Variants in MED26 observed in about 807,000 individuals in gnomAD.
MED26 encodes mediator of RNA polymerase II transcription subunit 26.
A neutral mutation model predicts 43.7 loss-of-function variants in MED26; 7 were observed. The ratio of observed to expected loss-of-function variants is 0.16; its 90% CI spans 0.09 to 0.30. The LOEUF is 0.30. MED26 is among the 10% of genes least tolerant of loss of function. The probability of loss-of-function intolerance (pLI) is 1.00; values close to 1 mark genes in which losing one functional copy is unlikely to be tolerated. For missense variants in MED26, 784 were observed against 840.6 expected, an observed-to-expected ratio of 0.93 and a Z score of 0.83; for synonymous variants, 375 against 371.1, an observed-to-expected ratio of 1.01 and a Z score of -0.12.
intron 1 of MED26, chr19:16,612,094 G>C (rs1424386835): frequency 6.6e-6 from 1 of 152,204 alleles, no homozygotes; most frequent in African/African-American, 2.4e-5. Context: ...CAGGTTGTTG[G>C]GGGTGGGGTA....
intron 1 of MED26, among the ~76,000 whole-genome samples, chr19:16,614,961 T>C (rs2086216948): frequency 6.6e-6 from 1 of 152,198 alleles, no homozygotes; most frequent in Non-Finnish European, 1.5e-5. Flanking sequence ...ATGCTACTTC[T>C]GTAATCTGAA....
intron 1 of MED26, among the ~76,000 whole-genome samples, chr19:16,595,897 T>C (rs1283943397): frequency 1.3e-5 from 2 of 152,266 alleles, no homozygotes; most frequent in East Asian, 1.9e-4. Context: ...GGAATGAACA[T>C]CTTCAAACAT....
At chr19:16,581,081 C>T (rs2086042737) in intron 1 of MED26, among the ~76,000 whole-genome samples, 1 of 152,218 alleles carries the variant, frequency 6.6e-6, no homozygotes, top group African/African-American at 2.4e-5. Flanking sequence ...GCCACTCCCT[C>T]CCTTCCCGTG....
In MED26 at chr19:16,576,637, C is replaced by T. The variant is rs746780427; in HGVS notation, c.1193G>A (p.Arg398Gln). The T allele has an allele frequency of 5.0e-6, 8 of 1,614,212 alleles. No individual in the cohort carries two copies. The highest frequency in any genetic ancestry group is 1.7e-5 in the Admixed American group (1 of 60,026). ...CAAGTTAACCGTATAGTCTCGAGGTCGGTACCTCTTCTTCTTTTTACTGTC... is the reference window on the plus strand; with the variant it reads ...CAAGTTAACCGTATAGTCTCGAGGTTGGTACCTCTTCTTCTTTTTACTGTC... ...GSDSKKKKRYRPRDYTVNLDG... is the reference protein window; with the variant it reads ...GSDSKKKKRYQPRDYTVNLDG... The change falls in exon 3 of 3, where the codon CGA (arginine) becomes CAA (glutamine). Residue 398 changes from arginine to glutamine, a missense_variant. Arg to Gln is a conservative substitution (Grantham distance 43, BLOSUM62 1). This residue lies in a region of MED26 where 719 missense variants were observed against 730.9 expected (regional missense o/e 0.98). Transcript: ENST00000263390. The surrounding 1 kb of genome is among the most constrained non-coding windows in gnomAD (Gnocchi z 6.8).
intron 1 of MED26, among the ~76,000 whole-genome samples, chr19:16,619,053 C>A (rs1359028495): frequency 6.6e-6 from 1 of 152,234 alleles, no homozygotes; most frequent in Non-Finnish European, 1.5e-5. Context: ...CTCCTGCCAC[C>A]AGCACAGTGC....
In MED26 at chr19:16,624,008, C is replaced by G. The variant is rs554248229; in HGVS notation, c.72+3864G>C. Among the ~76,000 whole-genome samples the G allele has an allele frequency of 3.9e-5, 6 of 152,074 alleles. No individual in the cohort carries two copies. The South Asian group carries it at 1.2e-3, about 32-fold the overall frequency. ...CACTCACAAGGCTGTTGGGGAGAAG[C>G]AGAACTCTCTGACAGGGTGCCACAC... On this transcript the variant is annotated intron_variant, in intron 1 of 2. Coordinates refer to ENST00000263390, the MANE Select transcript of MED26 (RefSeq NM_004831.5).
At chr19:16,598,264 G>C (rs983417408) in intron 1 of MED26, among the ~76,000 whole-genome samples, 1 of 149,552 alleles carries the variant, frequency 6.7e-6, no homozygotes, top group East Asian at 2.0e-4. Flanking sequence ...TTGAATCCGG[G>C]AGGCGCAGGC....
In MED26 at chr19:16,575,510, T is replaced by A. The variant is rs1015636980; in HGVS notation, c.*517A>T. On this transcript the variant is annotated 3_prime_UTR_variant, in exon 3 of 3. Transcript: ENST00000263390. ...TGGCACATGACAGACAACACTGGCC[T>A]GACAGTGGCTGGGTAGGGAGCAAAC... 1 of 156,864 alleles carries A rather than the reference T, an allele frequency of 6.4e-6. No individual in the cohort carries two copies. Among genetic ancestry groups the A allele is most frequent in the African/African-American group, 2.4e-5 (1 of 41,486 alleles). 9.7% of individuals were successfully genotyped at this position (156,864 alleles called of 1,614,324 possible). A position where few individuals can be genotyped will look rare whatever the true frequency, so the allele number is the denominator to read the frequency against.
intron 1 of MED26, among the ~76,000 whole-genome samples, chr19:16,596,404 C>G (rs1309437107): frequency 6.6e-6 from 1 of 152,208 alleles, no homozygotes; most frequent in Admixed American, 6.5e-5. Flanking sequence ...GGATCTGGCA[C>G]AGACATTCAT....
chr19:16,618,169 G>A (rs904504726), intron 1 of MED26, among the ~76,000 whole-genome samples: 3 of 152,130 alleles, frequency 2.0e-5, no homozygotes, highest in African/African-American at 7.2e-5. Flanking sequence ...CCCAGCCTCT[G>A]CCCAGGGTCC....
intron 1 of MED26, among the ~76,000 whole-genome samples, chr19:16,579,317 A>C (rs1184882324): frequency 6.6e-6 from 1 of 152,234 alleles, no homozygotes; most frequent in Non-Finnish European, 1.5e-5. Flanking sequence ...ATGAAATGTC[A>C]GTGCTGATGC....
chr19:16,615,273 T>G (rs2086219069), intron 1 of MED26, among the ~76,000 whole-genome samples: 3 of 152,054 alleles, frequency 2.0e-5, no homozygotes, highest in African/African-American at 7.2e-5. Context: ...AGGAGCTGAC[T>G]GATGAGCAGC....
At chr19:16,596,687 G>T (rs535510436) in intron 1 of MED26, among the ~76,000 whole-genome samples, 214 of 152,292 alleles carry the variant, frequency 1.4e-3, no homozygotes, top group African/African-American at 5.1e-3. Context: ...AGTGGAAGAG[G>T]CAAGAGCAGA....
At position 16,586,201 on chromosome 19, in the gene MED26, G is replaced by A. The variant is rs1050727870; in HGVS notation, c.73-7792C>T. Among the ~76,000 whole-genome samples, 6 of 152,254 alleles carry A rather than the reference G, an allele frequency of 3.9e-5. No individual in the cohort carries two copies. The highest frequency in any genetic ancestry group is 9.6e-5 in the African/African-American group (4 of 41,474). On this transcript the variant is annotated intron_variant, in intron 1 of 2. Coordinates refer to ENST00000263390, the MANE Select transcript of MED26 (RefSeq NM_004831.5). This position sits in a 1 kb window ranked among gnomAD's most constrained non-coding sequence, Gnocchi z 5.1. The stretch of plus-strand genomic sequence containing the variant: ...GGGCAGGCCCAACCGGGCACAACTC[G>A]CACAGGACCATCACTGGTGGGTTGC...
At chr19:16,625,573 T>C (rs2122465600) in intron 1 of MED26, among the ~76,000 whole-genome samples, 1 of 151,920 alleles carries the variant, frequency 6.6e-6, no homozygotes, top group South Asian at 2.1e-4. Context: ...ATCTTAAATA[T>C]GTGTCAACTA....
intron 1 of MED26, among the ~76,000 whole-genome samples, chr19:16,590,747 A>G (rs1481874014): frequency 6.6e-6 from 1 of 152,206 alleles, no homozygotes; most frequent in Non-Finnish European, 1.5e-5. Flanking sequence ...ATCTCAATAA[A>G]GCTATTAATG....
intron 1 of MED26, among the ~76,000 whole-genome samples, chr19:16,625,228 T>G (rs957046189): frequency 6.6e-6 from 1 of 152,166 alleles, no homozygotes; most frequent in Admixed American, 6.5e-5. Flanking sequence ...TTGGCAGAAA[T>G]TATTAACTCT....
At chr19:16,619,727 C>G (rs1016649353) in intron 1 of MED26, among the ~76,000 whole-genome samples, 1 of 152,140 alleles carries the variant, frequency 6.6e-6, no homozygotes, top group African/African-American at 2.4e-5. Context: ...CCACAGAACC[C>G]CCACCAGAGT....
chr19:16,625,450 T>A (rs573725213), intron 1 of MED26, among the ~76,000 whole-genome samples: 1 of 152,280 alleles, frequency 6.6e-6, no homozygotes, highest in Admixed American at 6.5e-5. Context: ...CATAATTGCA[T>A]GCCCATAAAG....
Sources: gnomAD v4.1 joint callset for allele counts (sites outside exome capture counted in the v4.1 genomes callset) on GRCh38, gnomAD v4.1.1 for gene constraint, gnomAD v4.1.1 regional missense constraint, Gnocchi (gnomAD v3.1) non-coding constraint, MANE v1.5 for transcripts, NCBI Gene and HGNC (gene_info 2026-07-23, HGNC 2026-07-21) for gene names.